The following PPP1R12A variants were observed in gnomAD, a reference collection of about 807,000 sequenced individuals.
PPP1R12A encodes protein phosphatase 1 regulatory subunit 12A, also known as myosin binding subunit.
Under a neutral mutation model 139.6 loss-of-function variants are expected in PPP1R12A, and 19 were observed. The observed-to-expected ratio is 0.14, with a 90% CI of 0.09 to 0.20. The LOEUF (loss-of-function observed/expected upper bound fraction) is 0.20. Ranked by LOEUF, PPP1R12A falls within the 10% of genes least tolerant of loss-of-function variation. The pLI, the probability that PPP1R12A is intolerant of heterozygous loss-of-function variation, is 1.00. For synonymous variants in PPP1R12A, 427 were observed against 420.6 expected (o/e 1.02, Z -0.19); for missense variants, 925 against 1,211.5 (o/e 0.76, Z 3.51).
At chr12:79,824,617 C>T (rs1876540401) in intron 5 of PPP1R12A, among the ~76,000 whole-genome samples, 1 of 152,306 alleles carries the variant, frequency 6.6e-6, no homozygotes, top group African/African-American at 2.4e-5. Context: ...CACTCATCAA[C>T]TTAACTCATC....
intron 8 of PPP1R12A, among the ~76,000 whole-genome samples, chr12:79,819,912 T>C (rs530785754): frequency 6.7e-5 from 10 of 150,336 alleles, no homozygotes; most frequent in Non-Finnish European, 1.3e-4. Context: ...ACATATTTAA[T>C]AGAATACTAT....
chr12:79,807,959 C>T (rs1043752471), intron 11 of PPP1R12A, among the ~76,000 whole-genome samples: 3 of 151,688 alleles, frequency 2.0e-5, no homozygotes, highest in African/African-American at 7.3e-5. Context: ...CTACTTGAAC[C>T]TGAGAGGTGG....
chr12:79,910,251 G>A (rs372661882), intron 1 of PPP1R12A, among the ~76,000 whole-genome samples: 1 of 151,940 alleles, frequency 6.6e-6, no homozygotes, highest in Non-Finnish European at 1.5e-5. Flanking sequence ...AGGATGAGGT[G>A]GGAGGATCAC....
rs1450733469 is a variant in PPP1R12A, at chr12:79,773,705, T to C, written c.*2224A>G. On this transcript the variant is annotated 3_prime_UTR_variant, in exon 25 of 25. Transcript: ENST00000450142. ...TGTGCAAATTATCACAATATTACAA[T>C]TTCAGAAATTATTCAAATTGGTATC... 6.6e-6 allele frequency: 1 copy of C among 152,206 alleles called. No homozygotes were observed. Among genetic ancestry groups the C allele is most frequent in the African/African-American group, 2.4e-5 (1 of 41,464 alleles). 9.4% of individuals were successfully genotyped at this position (152,206 alleles called of 1,614,324 possible). A position where few individuals can be genotyped will look rare whatever the true frequency, so the allele number is the denominator to read the frequency against.
intron 1 of PPP1R12A, among the ~76,000 whole-genome samples, chr12:79,899,978 A>G (rs1885486442): frequency 1.3e-5 from 2 of 152,228 alleles, no homozygotes; most frequent in African/African-American, 4.8e-5. Context: ...TATTTTGCAT[A>G]TTATTCATAT....
intron 2 of PPP1R12A, among the ~76,000 whole-genome samples, chr12:79,849,821 C>T (rs1565777175): frequency 6.6e-6 from 1 of 152,000 alleles, no homozygotes; most frequent in Non-Finnish European, 1.5e-5. Flanking sequence ...GGATGAAATT[C>T]TTTTTTATCT....
intron 1 of PPP1R12A, among the ~76,000 whole-genome samples, chr12:79,897,360 T>C (rs1295583419): frequency 1.3e-5 from 2 of 152,098 alleles, no homozygotes; most frequent in East Asian, 1.9e-4. Flanking sequence ...ACTGTATTCA[T>C]GGACATAAAG....
chr12:79,775,341 A>AT lies in PPP1R12A; in HGVS notation c.*587dup, dbSNP rs1443341820. 6.6e-6 allele frequency: 1 copy of AT among 152,602 alleles called. No individual in the cohort carries two copies. The highest frequency in any genetic ancestry group is 1.5e-5 in the Non-Finnish European group (1 of 68,036). The allele number at this position is 152,602 out of a possible 1,614,324, so 9.5% of individuals were successfully genotyped here. On this transcript the variant is annotated 3_prime_UTR_variant, in exon 25 of 25. Transcript: ENST00000450142. ...AGACAACACAGCATTAGCCTAATAC[A>AT]TGACAATAATCACAGAAGAGCAAGT...
intron 4 of PPP1R12A, among the ~76,000 whole-genome samples, chr12:79,831,428 T>A (rs1010310289): frequency 6.6e-6 from 1 of 151,920 alleles, no homozygotes; most frequent in African/African-American, 2.4e-5. Context: ...ACAAAAAATA[T>A]GAAAATTAAG....
At chr12:79,824,412 A>G (rs966020042) in intron 5 of PPP1R12A, among the ~76,000 whole-genome samples, 31 of 152,202 alleles carry the variant, frequency 2.0e-4, no homozygotes, top group African/African-American at 7.2e-4. Flanking sequence ...AAATTTTTCT[A>G]GCAGTTAAAT....
intron 14 of PPP1R12A, among the ~76,000 whole-genome samples, chr12:79,801,344 TCAAAAAAAAAAAAAAAAAA>T (rs1873135513): frequency 1.1e-4 from 2 of 18,086 alleles, no homozygotes; most frequent in Admixed American, 9.0e-4. Flanking sequence ...AAACTCTGTC[TCAAAAAAAAAAAAAAAAAA>T]AAAAAAAAAA....
chr12:79,865,313 G>A (rs1164192454), intron 2 of PPP1R12A, among the ~76,000 whole-genome samples: 3 of 152,058 alleles, frequency 2.0e-5, no homozygotes, highest in Admixed American at 6.6e-5. Flanking sequence ...TCGATGGAAC[G>A]TATCTCAAAA....
intron 3 of PPP1R12A, among the ~76,000 whole-genome samples, chr12:79,833,272 A>C (rs1193392785): frequency 6.6e-6 from 1 of 152,136 alleles, no homozygotes; most frequent in Non-Finnish European, 1.5e-5. Context: ...TGTCTCAAAA[A>C]ACAAAAAAAG....
At chr12:79,887,296 T>A (rs2137405950) in intron 1 of PPP1R12A, among the ~76,000 whole-genome samples, 1 of 151,156 alleles carries the variant, frequency 6.6e-6, no homozygotes, top group Non-Finnish European at 1.5e-5. Context: ...GTATTTTATG[T>A]ATTTCCACTC....
chr12:79,843,137 A>G (rs1368471905), intron 3 of PPP1R12A, among the ~76,000 whole-genome samples: 2 of 152,144 alleles, frequency 1.3e-5, no homozygotes, highest in Non-Finnish European at 2.9e-5. Flanking sequence ...AGGCTGAATA[A>G]TATTTCACTG....
At chr12:79,792,376 G>A (rs1410448111) in intron 19 of PPP1R12A, among the ~76,000 whole-genome samples, 1 of 152,056 alleles carries the variant, frequency 6.6e-6, no homozygotes, top group East Asian at 1.9e-4. Context: ...ATCAGCCTGA[G>A]GATGAAGCTG....
chr12:79,929,285 T>C (rs1215361177), intron 1 of PPP1R12A, among the ~76,000 whole-genome samples: 1 of 152,204 alleles, frequency 6.6e-6, no homozygotes, highest in Non-Finnish European at 1.5e-5. Flanking sequence ...CTGTGTGGCC[T>C]TGTTCCTCAC....
chr12:79,910,548 T>TAAA (rs5799446), intron 1 of PPP1R12A, among the ~76,000 whole-genome samples: 28 of 150,048 alleles, frequency 1.9e-4, no homozygotes, highest in Non-Finnish European at 2.4e-4. Flanking sequence ...ACTTTATTCT[T>TAAA]AAAAAAAAAA....
At chr12:79,844,930 T>G (rs916841282) in intron 3 of PPP1R12A, among the ~76,000 whole-genome samples, 1 of 152,176 alleles carries the variant, frequency 6.6e-6, no homozygotes, top group Non-Finnish European at 1.5e-5. Flanking sequence ...CCTCATTGTA[T>G]TCACATCTCA....
Sources: allele counts gnomAD v4.1 joint callset (sites outside exome capture counted in the v4.1 genomes callset), GRCh38; gene constraint gnomAD v4.1.1; transcripts MANE v1.5; gene names NCBI Gene and HGNC (gene_info 2026-07-23, HGNC 2026-07-21).